The following DPH6 variants were observed in gnomAD, a reference collection of about 807,000 sequenced individuals.
DPH6 encodes diphthine--ammonia ligase.
In DPH6, 33 loss-of-function variants were observed where a neutral mutation model predicts 38.2. That is an observed-to-expected ratio of 0.86 (90% confidence interval 0.65 to 1.15). DPH6 has a LOEUF of 1.15. Among genes scored for constraint, DPH6 ranks in the 50% most tolerant of loss-of-function variants. DPH6 has a pLI of 0.00. For missense variants in DPH6, 325 were observed against 320.0 expected, an observed-to-expected ratio of 1.02 and a Z score of -0.12; for synonymous variants, 108 against 103.0, an observed-to-expected ratio of 1.05 and a Z score of -0.30.
intron 6 of DPH6, among the ~76,000 whole-genome samples, chr15:35,384,048 TA>T (rs1323649097): frequency 6.6e-6 from 1 of 152,240 alleles, no homozygotes; most frequent in East Asian, 1.9e-4. Context: ...TTTACCTTTC[TA>T]AAAGTTAGTA....
chr15:35,516,454 A>C (rs1281510945), intron 3 of DPH6, among the ~76,000 whole-genome samples: 4 of 152,208 alleles, frequency 2.6e-5, no homozygotes, highest in Non-Finnish European at 5.9e-5. Flanking sequence ...TACTACTACT[A>C]GTCTTACTTT....
chr15:35,231,430 T>C (rs1461719509), intron 3 of DPH6, among the ~76,000 whole-genome samples: 1 of 152,226 alleles, frequency 6.6e-6, no homozygotes, highest in African/African-American at 2.4e-5. Flanking sequence ...CTTCTACCTC[T>C]TCAGTGCCTC....
At chr15:35,299,124 C>A (rs2052035957) in intron 3 of DPH6, 8 of 985,964 alleles carry the variant, frequency 8.1e-6, no homozygotes, top group South Asian at 1.5e-5. Flanking sequence ...TACTTTCTTA[C>A]AATCGTTAGG....
chr15:35,292,589 T>C (rs1356099861), intron 3 of DPH6, among the ~76,000 whole-genome samples: 1 of 152,178 alleles, frequency 6.6e-6, no homozygotes, highest in Non-Finnish European at 1.5e-5. Context: ...GAAGTAGGAC[T>C]ACAGAGCTAA....
At chr15:35,195,896 C>T in the DPH6 span, among the ~76,000 whole-genome samples, 9 of 151,858 alleles carry the variant, frequency 5.9e-5, no homozygotes, top group African/African-American at 9.7e-5. Context: ...TAGCTATCTA[C>T]GGGAATTTCA....
At chr15:35,431,223 A>G (rs1052020385) in intron 5 of DPH6, among the ~76,000 whole-genome samples, 1 of 152,224 alleles carries the variant, frequency 6.6e-6, no homozygotes, top group African/African-American at 2.4e-5. Context: ...GTCAAAAGTC[A>G]TTCATAATTA....
At chr15:35,273,169 GT>G (rs1436180058) in intron 3 of DPH6, among the ~76,000 whole-genome samples, 1 of 151,902 alleles carries the variant, frequency 6.6e-6, no homozygotes, top group African/African-American at 2.4e-5. Context: ...ATTTCCATAG[GT>G]TACTGGGGAA....
chr15:35,430,927 AG>A (rs1277455383), intron 5 of DPH6, among the ~76,000 whole-genome samples: 3 of 152,180 alleles, frequency 2.0e-5, no homozygotes, highest in African/African-American at 7.2e-5. Flanking sequence ...AGATTTACCC[AG>A]TTTAGACAGT....
At chr15:35,486,504 G>C (rs2054399662) in intron 3 of DPH6, among the ~76,000 whole-genome samples, 1 of 152,026 alleles carries the variant, frequency 6.6e-6, no homozygotes, top group Non-Finnish European at 1.5e-5. Flanking sequence ...AAGAAGGGAA[G>C]TGCCACACTT....
chr15:35,518,394 G>A (rs1464735224), intron 3 of DPH6, among the ~76,000 whole-genome samples: 1 of 151,870 alleles, frequency 6.6e-6, no homozygotes, highest in African/African-American at 2.4e-5. Context: ...ACAAATAAGG[G>A]CTCTAGACTA....
intron 3 of DPH6, among the ~76,000 whole-genome samples, chr15:35,529,288 G>C (rs1184726387): frequency 6.6e-6 from 1 of 152,152 alleles, no homozygotes; most frequent in Non-Finnish European, 1.5e-5. Context: ...CGAAAGAAAA[G>C]CAAGCACATC....
chr15:35,174,895 T>G, the DPH6 span, among the ~76,000 whole-genome samples: 117,495 of 152,198 alleles, frequency 0.77, 45,645 homozygotes, highest in Middle Eastern at 0.88. Flanking sequence ...CAAGTATGAT[T>G]TATATGTAAT....
At chr15:35,300,519 C>T (rs930182884) in intron 3 of DPH6, among the ~76,000 whole-genome samples, 13 of 152,076 alleles carry the variant, frequency 8.5e-5, no homozygotes, top group Non-Finnish European at 1.3e-4. Flanking sequence ...CATTTGTTTA[C>T]GGATGTAATG....
At chr15:35,449,879 G>T (rs749754759) in intron 5 of DPH6, among the ~76,000 whole-genome samples, 2 of 152,016 alleles carry the variant, frequency 1.3e-5, no homozygotes, top group African/African-American at 2.4e-5. Flanking sequence ...GAATGTATCT[G>T]TAAAATCTTC....
chr15:35,346,190 G>A (rs183968571), intron 3 of DPH6, among the ~76,000 whole-genome samples: 82 of 151,900 alleles, frequency 5.4e-4, no homozygotes, highest in African/African-American at 1.9e-3. Context: ...GATTATATAG[G>A]GACCTCATTG....
At chr15:35,150,547 C>T in the DPH6 span, among the ~76,000 whole-genome samples, 4,636 of 152,204 alleles carry the variant, frequency 0.03, 223 homozygotes, top group African/African-American at 0.1. Context: ...GAGTTTTAAA[C>T]AAATATACGT....
In DPH6 at chr15:35,279,005, C is replaced by T. The variant is rs112925255; in HGVS notation, n.201-58423G>A. 4.0e-4 allele frequency among the ~76,000 whole-genome samples: 57 copies of T among 144,238 alleles called. 1 individual carries two copies. The highest frequency in any genetic ancestry group is 3.7e-3 in the Middle Eastern group (1 of 270). The allele number at this position is 144,238 out of a possible 152,430, so 94.6% of individuals were successfully genotyped here. Reference sequence around the variant, plus strand: ...CGGAGGTTGCAGTGAACTGAGATCACGCCACTGCAATCCAGCCTCAGTGAC... The same window carrying T: ...CGGAGGTTGCAGTGAACTGAGATCATGCCACTGCAATCCAGCCTCAGTGAC... On this transcript the variant is annotated intron_variant and non_coding_transcript_variant, in intron 3 of 3. Coordinates refer to the DPH6 transcript ENST00000560386.
chr15:35,519,695 A>C (rs1314869460), intron 3 of DPH6: 1 of 152,410 alleles, frequency 6.6e-6, no homozygotes, highest in Non-Finnish European at 1.5e-5. Context: ...AATCATCTAC[A>C]TCTGTCTAAT....
chr15:35,402,216 T>C (rs2053229579), intron 6 of DPH6, among the ~76,000 whole-genome samples: 1 of 152,216 alleles, frequency 6.6e-6, no homozygotes, highest in Admixed American at 6.5e-5. Flanking sequence ...TTGGAATTTA[T>C]ATACAACCTG....
Sources: gnomAD v4.1 joint callset for allele counts (sites outside exome capture counted in the v4.1 genomes callset) on GRCh38, gnomAD v4.1.1 for gene constraint, MANE v1.5 for transcripts, NCBI Gene and HGNC (gene_info 2026-07-23, HGNC 2026-07-21) for gene names.